Variants in SLC27A6 observed in about 807,000 individuals in gnomAD.
The protein encoded by SLC27A6 is long-chain fatty acid transport protein 6.
SLC27A6 carries 74 observed loss-of-function variants against 63.9 expected under a neutral mutation model. The observed-to-expected ratio is 1.16, with a 90% CI of 0.96 to 1.40. The LOEUF is 1.40. Ranked by LOEUF, SLC27A6 falls within the 40% of genes most tolerant of loss-of-function variation. The pLI, the probability that SLC27A6 is intolerant of heterozygous loss-of-function variation, is 0.00. For synonymous variants in SLC27A6, 287 were observed against 260.8 expected, an observed-to-expected ratio of 1.10 and a Z score of -0.97; for missense variants, 794 against 732.9, an observed-to-expected ratio of 1.08 and a Z score of -0.96.
chr5:128,977,782 C>G (rs1750439362), intron 1 of SLC27A6, among the ~76,000 whole-genome samples: 1 of 152,114 alleles, frequency 6.6e-6, no homozygotes, highest in Admixed American at 6.5e-5. Context: ...TTTAAAATGG[C>G]AAGTATTCTT....
intron 4 of SLC27A6, among the ~76,000 whole-genome samples, chr5:128,994,435 TC>T (rs1318743881): frequency 2.6e-5 from 4 of 152,158 alleles, no homozygotes; most frequent in African/African-American, 9.7e-5. Context: ...AGAAAGTCAT[TC>T]TGTTATGACA....
chr5:128,988,580 G>A lies in SLC27A6; in HGVS notation c.686-20G>A. On this transcript the variant is annotated intron_variant, in intron 2 of 9. Coordinates refer to ENST00000262462, the MANE Select transcript of SLC27A6 (RefSeq NM_001017372.3). The stretch of plus-strand genomic sequence containing the variant: ...ATGTATGTGTGTATATATATTTCCT[G>A]TTCTTTTCTTTTCTTCCAGGTCTAC... The A allele has an allele frequency of 6.2e-7, 1 of 1,607,976 alleles. No individual in the cohort carries two copies. Among genetic ancestry groups the A allele is most frequent in the Non-Finnish European group, 8.5e-7 (1 of 1,175,134 alleles).
At position 128,985,151 on chromosome 5, in the gene SLC27A6, A is replaced by G. The variant is rs1229362282; in HGVS notation, c.500A>G (p.Glu167Gly). ...CTTTTAGATTTGCTTGGAACGGTAGAAGAAATCCTTCCAAGCCTCTCAGAA... is the reference window on the plus strand; with the variant it reads ...CTTTTAGATTTGCTTGGAACGGTAGGAGAAATCCTTCCAAGCCTCTCAGAA... ...VVGADLLGTV[E>G]EILPSLSENI... Residue 167 changes from glutamate (E) to glycine (G), a missense_variant, in exon 2 of 10, where the codon GAA (glutamate) becomes GGA (glycine). Coordinates refer to ENST00000262462, the MANE Select transcript of SLC27A6 (RefSeq NM_001017372.3). 6.2e-7 allele frequency: 1 copy of G among 1,613,480 alleles called. No individual in the cohort carries two copies. Among genetic ancestry groups the G allele is most frequent in the Admixed American group, 1.7e-5 (1 of 59,994 alleles).
chr5:128,979,873 G>C (rs1227050670), intron 1 of SLC27A6, among the ~76,000 whole-genome samples: 1 of 152,114 alleles, frequency 6.6e-6, no homozygotes, highest in African/African-American at 2.4e-5. Flanking sequence ...ATATGTTATT[G>C]CAATAGAAAG....
At chr5:129,003,822 G>C (rs1751427704) in intron 4 of SLC27A6, among the ~76,000 whole-genome samples, 1 of 151,892 alleles carries the variant, frequency 6.6e-6, no homozygotes, top group South Asian at 2.1e-4. Flanking sequence ...TAAAAAATTA[G>C]CTAGGTGTGG....
At chr5:129,001,312 G>T (rs1448864776) in intron 4 of SLC27A6, among the ~76,000 whole-genome samples, 1 of 152,140 alleles carries the variant, frequency 6.6e-6, no homozygotes, top group Admixed American at 6.5e-5. Context: ...TTCTGCCCCA[G>T]TTCTCCGACA....
chr5:129,006,446 A>T (rs1341088378), intron 4 of SLC27A6, among the ~76,000 whole-genome samples: 6 of 144,040 alleles, frequency 4.2e-5, no homozygotes, highest in East Asian at 2.1e-4. Context: ...TATATGCATG[A>T]GTGTGTGTGT....
intron 1 of SLC27A6, among the ~76,000 whole-genome samples, chr5:128,971,019 A>C (rs4629641): frequency 6.6e-6 from 1 of 151,960 alleles, no homozygotes; most frequent in Non-Finnish European, 1.5e-5. Flanking sequence ...TTATTTACCC[A>C]GTAGTCATTC....
Position 129,016,066 on chromosome 5 carries a change from A to G in SLC27A6, c.1151A>G (p.Asn384Ser), listed in dbSNP as rs754254496. Residue 384 changes from asparagine (N) to serine (S), a missense_variant, in exon 5 of 10, where the codon AAT becomes AGT. By Grantham distance (46) the Asn-to-Ser change is conservative. Transcript: ENST00000262462. ...AGAATTGGAGCAATTGGGAGAACAA[A>G]TTTGTTTTACAAAGTAAGTACAGCA... ...TGRIGAIGRT[N>S]LFYKLLSTFD... 7.5e-6 allele frequency: 12 copies of G among 1,591,240 alleles called. No individual in the cohort carries two copies. Among genetic ancestry groups the G allele is most frequent in the Non-Finnish European group, 5.1e-6 (6 of 1,173,360 alleles).
intron 4 of SLC27A6, among the ~76,000 whole-genome samples, chr5:128,997,157 A>T (rs1751188254): frequency 6.6e-6 from 1 of 152,150 alleles, no homozygotes; most frequent in South Asian, 2.1e-4. Flanking sequence ...TTTTAAAAAT[A>T]GCATTTTAAA....
intron 4 of SLC27A6, among the ~76,000 whole-genome samples, chr5:129,003,395 A>C (rs1257921337): frequency 6.6e-6 from 1 of 152,240 alleles, no homozygotes; most frequent in Non-Finnish European, 1.5e-5. Context: ...GTTCCTGCTC[A>C]GGTTTCCAAT....
intron 4 of SLC27A6, among the ~76,000 whole-genome samples, chr5:129,007,463 AAAT>A (rs148575353): frequency 0.24 from 32,218 of 136,294 alleles, 4,105 homozygotes; most frequent in Non-Finnish European, 0.33. Context: ...AAAAAAAAAA[AAAT>A]ATAATGTTAA....
At chr5:128,966,772 T>A (rs1749921377) in intron 1 of SLC27A6, among the ~76,000 whole-genome samples, 154 bp downstream of exon 1, 1 of 152,234 alleles carries the variant, frequency 6.6e-6, no homozygotes, top group Non-Finnish European at 1.5e-5. Flanking sequence ...CTATGCTGGT[T>A]TAACAACTGT....
chr5:128,993,938 T>A (rs1377847851), intron 4 of SLC27A6, among the ~76,000 whole-genome samples: 2 of 152,102 alleles, frequency 1.3e-5, no homozygotes, highest in Non-Finnish European at 2.9e-5. Flanking sequence ...GGAAACCATC[T>A]CTACTAAAAA....
chr5:129,024,738 A>G (rs1752180840), intron 6 of SLC27A6, among the ~76,000 whole-genome samples: 2 of 152,214 alleles, frequency 1.3e-5, no homozygotes, highest in Admixed American at 6.5e-5. Flanking sequence ...CAGTATGGAT[A>G]AATCAAGCCA....
chr5:128,976,512 C>T (rs78290422), intron 1 of SLC27A6, among the ~76,000 whole-genome samples: 16,196 of 150,898 alleles, frequency 0.11, 1,417 homozygotes, highest in East Asian at 0.23. Flanking sequence ...GAAACTCCGT[C>T]TCAAACAAAA....
intron 1 of SLC27A6, among the ~76,000 whole-genome samples, chr5:128,984,569 C>A (rs1750721336): frequency 6.6e-6 from 1 of 152,110 alleles, no homozygotes; most frequent in Non-Finnish European, 1.5e-5. Context: ...ACATTGTACC[C>A]AATAGGTAAT....
Position 128,966,584 on chromosome 5 carries a change from C to A in SLC27A6, c.447C>A (p.Arg149=). The A allele has an allele frequency of 6.5e-7, 1 of 1,544,668 alleles. No individual in the cohort carries two copies. The highest frequency in any genetic ancestry group is 8.7e-7 in the Non-Finnish European group (1 of 1,153,220). The change falls in exon 1 of 10, where the codon CGC becomes CGA. Residue 149 remains arginine (R), a synonymous_variant. Transcript: ENST00000262462. ...IRSNSLLNCI[R]ACGPRALVVG... ...CCAACTCCCTCCTGAATTGCATCCG[C>A]GCCTGTGGGCCCAGAGCCCTAGTGG...
rs142676290 is a variant in SLC27A6, at chr5:128,966,492, G to A, written c.355G>A (p.Val119Ile). 1.6e-4 allele frequency: 264 copies of A among 1,609,028 alleles called. 1 individual carries two copies. The highest frequency in any genetic ancestry group is 1.6e-3 in the African/African-American group (118 of 74,894). Residue 119 changes from valine to isoleucine, a missense_variant, in exon 1 of 10, where the codon GTT (valine) becomes ATT (isoleucine). Coordinates refer to ENST00000262462, the MANE Select transcript of SLC27A6 (RefSeq NM_001017372.3). ...ALLMSNEPDF[V>I]HVWFGLAKLG... ...GCTGATGAGCAATGAGCCGGACTTC[G>A]TTCACGTGTGGTTCGGCCTCGCCAA...
Sources: allele counts gnomAD v4.1 joint callset (sites outside exome capture counted in the v4.1 genomes callset), GRCh38; gene constraint gnomAD v4.1.1; transcripts MANE v1.5; gene names NCBI Gene and HGNC (gene_info 2026-07-23, HGNC 2026-07-21).